FSTL4: variants seen among roughly 807,000 people sequenced by gnomAD.
FSTL4 encodes follistatin like 4.
Under a neutral mutation model 78.2 loss-of-function variants are expected in FSTL4, and 28 were observed. The ratio of observed to expected loss-of-function variants is 0.36; its 90% CI spans 0.27 to 0.49. FSTL4 has a LOEUF of 0.49. Among genes scored for constraint, FSTL4 ranks in the 20% least tolerant of loss-of-function variants. FSTL4 has a pLI of 0.98. For missense variants in FSTL4, 922 were observed against 1,084.9 expected, an observed-to-expected ratio of 0.85 and a Z score of 2.11; for synonymous variants, 422 against 440.5, an observed-to-expected ratio of 0.96 and a Z score of 0.53.
At chr5:133,487,717 G>A (rs918542979) in intron 3 of FSTL4, among the ~76,000 whole-genome samples, 1 of 152,138 alleles carries the variant, frequency 6.6e-6, no homozygotes, top group Non-Finnish European at 1.5e-5. Context: ...CAGGGACTGT[G>A]TTCACCTCAC....
Position 133,257,132 on chromosome 5 carries a change from C to G in FSTL4, c.728-7556G>C, listed in dbSNP as rs114012098. ...AACTATTAGGCTAGTGCTCAGTCAA[C>G]AATTATTTATGGAGCTGGTACCAGG... On this transcript the variant is annotated intron_variant, in intron 6 of 15. Transcript: ENST00000265342. Among the ~76,000 whole-genome samples the G allele has an allele frequency of 8.2e-3, 1,249 of 152,278 alleles. 17 individuals are homozygous for G. Among genetic ancestry groups the G allele is most frequent in the African/African-American group, 0.028 (1,183 of 41,542 alleles).
intron 8 of FSTL4, among the ~76,000 whole-genome samples, chr5:133,228,741 A>C (rs1156518893): frequency 1.3e-5 from 2 of 152,198 alleles, no homozygotes; most frequent in African/African-American, 4.8e-5. Flanking sequence ...GAACAGAATG[A>C]TATTTTCTTC....
chr5:133,225,798 T>A lies in FSTL4; in HGVS notation c.1037A>T (p.Tyr346Phe), dbSNP rs756885549. 6.3e-7 allele frequency: 1 copy of A among 1,592,654 alleles called. No homozygotes were observed. The highest frequency in any genetic ancestry group is 8.5e-7 in the Non-Finnish European group (1 of 1,170,006). Residue 346 changes from tyrosine (Y) to phenylalanine (F), a missense_variant, in exon 9 of 16, where the codon TAT becomes TTT. Transcript: ENST00000265342. The surrounding 1 kb of genome is among the most constrained non-coding windows in gnomAD (Gnocchi z 4.6). ...AGGCTCCTGTGCCTGGCTCTCTGGA[T>A]AGACACGGATGACTGGCGGCACTGT... The part of the protein sequence containing the change: ...QVNVPPVIRV[Y>F]PESQAQEPGV...
At chr5:133,778,105 T>C in the FSTL4 span, among the ~76,000 whole-genome samples, 2 of 152,204 alleles carry the variant, frequency 1.3e-5, no homozygotes, top group Non-Finnish European at 2.9e-5. Flanking sequence ...CTCGAGGTCC[T>C]TGGGGTCACT....
chr5:133,737,748 G>A, the FSTL4 span, among the ~76,000 whole-genome samples: 1 of 151,892 alleles, frequency 6.6e-6, no homozygotes, highest in Non-Finnish European at 1.5e-5. Context: ...GGGATTACAA[G>A]TGACTGCCAC....
At chr5:133,220,276 C>T (rs1320525167) in intron 12 of FSTL4, among the ~76,000 whole-genome samples, 1 of 152,372 alleles carries the variant, frequency 6.6e-6, no homozygotes, top group African/African-American at 2.4e-5. Context: ...GGAACAGAGG[C>T]CTGGTGTGGG....
chr5:133,702,971 A>T, the FSTL4 span, among the ~76,000 whole-genome samples: 1 of 152,204 alleles, frequency 6.6e-6, no homozygotes, highest in Non-Finnish European at 1.5e-5. Flanking sequence ...GACACAGCAC[A>T]ATGCTGCCCC....
At chr5:133,486,636 C>T (rs983926814) in intron 3 of FSTL4, among the ~76,000 whole-genome samples, 2 of 152,154 alleles carry the variant, frequency 1.3e-5, no homozygotes, top group Non-Finnish European at 2.9e-5. Context: ...CAAAACAACC[C>T]TGGTGACCCT....
chr5:133,672,613 A>C, the FSTL4 span, among the ~76,000 whole-genome samples: 13 of 152,348 alleles, frequency 8.5e-5, no homozygotes, highest in South Asian at 2.7e-3. Context: ...TAAAGACAAC[A>C]AATCAATGCA....
intron 3 of FSTL4, among the ~76,000 whole-genome samples, chr5:133,486,082 C>T (rs976996590): frequency 2.6e-5 from 4 of 152,054 alleles, no homozygotes; most frequent in African/African-American, 4.8e-5. Flanking sequence ...GGCCTTCATG[C>T]GACCATCGGT....
chr5:133,211,243 G>A (rs1299653344), intron 13 of FSTL4, among the ~76,000 whole-genome samples: 2 of 152,140 alleles, frequency 1.3e-5, no homozygotes, highest in African/African-American at 2.4e-5. Flanking sequence ...TAGATTACAA[G>A]CTCAAAAACT....
chr5:133,234,527 A>T (rs1017731473), intron 7 of FSTL4, among the ~76,000 whole-genome samples: 1 of 152,188 alleles, frequency 6.6e-6, no homozygotes, highest in East Asian at 1.9e-4. Context: ...CACCAACTAC[A>T]GACATGCCAG....
At chr5:133,608,220 GTATT>G (rs1389109847) in intron 1 of FSTL4, among the ~76,000 whole-genome samples, 1 of 152,172 alleles carries the variant, frequency 6.6e-6, no homozygotes, top group East Asian at 1.9e-4. Context: ...TAAGCCCTAA[GTATT>G]AATTATAAAT....
chr5:133,428,437 T>C (rs574225355), intron 3 of FSTL4, among the ~76,000 whole-genome samples: 88 of 152,222 alleles, frequency 5.8e-4, no homozygotes, highest in Non-Finnish European at 9.7e-4. Context: ...TTGACATGCT[T>C]GTGGAGGGTA....
chr5:133,653,553 G>A, the FSTL4 span, among the ~76,000 whole-genome samples: 1 of 152,190 alleles, frequency 6.6e-6, no homozygotes, highest in Non-Finnish European at 1.5e-5. Context: ...GGCAGGAAAT[G>A]AGTTCTTTGC....
intron 1 of FSTL4, among the ~76,000 whole-genome samples, chr5:133,605,455 A>G (rs567136895): frequency 9.9e-5 from 15 of 152,216 alleles, no homozygotes; most frequent in Non-Finnish European, 2.2e-4. Context: ...GCTTTGGAGC[A>G]TCCCTACTTT....
At chr5:133,311,360 C>T (rs1324279673) in intron 6 of FSTL4, among the ~76,000 whole-genome samples, 1 of 151,966 alleles carries the variant, frequency 6.6e-6, no homozygotes, top group African/African-American at 2.4e-5. Flanking sequence ...TGACGGGGAC[C>T]CTGCACAGTC....
chr5:133,199,506 A>G lies in FSTL4; in HGVS notation c.2118T>C (p.Ala706=). 6.2e-7 allele frequency: 1 copy of G among 1,614,228 alleles called. No individual in the cohort carries two copies. The highest frequency in any genetic ancestry group is 2.2e-5 in the East Asian group (1 of 44,880). Reference sequence around the variant, plus strand: ...CCTGCACGTGCAGCCAGGGGCTGTCAGCTGCAGCACTGACTATGAAGCGCC... The same window carrying G: ...CCTGCACGTGCAGCCAGGGGCTGTCGGCTGCAGCACTGACTATGAAGCGCC... ...PDGRFIVSAA[A]DSPWLHVQEI... is the part of the protein sequence containing the mutation. Residue 706 remains alanine (A), a synonymous_variant, in exon 16 of 16, where the codon GCT becomes GCC. Coordinates refer to ENST00000265342, the MANE Select transcript of FSTL4 (RefSeq NM_015082.2). This position sits in a 1 kb window ranked among gnomAD's most constrained non-coding sequence, Gnocchi z 4.4.
chr5:133,371,880 CG>C (rs776773451), intron 4 of FSTL4, among the ~76,000 whole-genome samples: 1 of 152,216 alleles, frequency 6.6e-6, no homozygotes, highest in Non-Finnish European at 1.5e-5. Context: ...CCAACAGCCT[CG>C]GCTGCTGCTT....
Sources: gnomAD v4.1 joint callset for allele counts (sites outside exome capture counted in the v4.1 genomes callset) on GRCh38, gnomAD v4.1.1 for gene constraint, Gnocchi (gnomAD v3.1) non-coding constraint, MANE v1.5 for transcripts, NCBI Gene and HGNC (gene_info 2026-07-23, HGNC 2026-07-21) for gene names.